Variants in SKAP2 observed in about 807,000 individuals in gnomAD.
SKAP2 encodes src kinase-associated phosphoprotein 2.
Under a neutral mutation model 54.9 loss-of-function variants are expected in SKAP2, and 28 were observed. That is an observed-to-expected ratio of 0.51 (90% CI 0.38 to 0.70). The LOEUF is 0.70. Among genes scored for constraint, SKAP2 ranks in the 30% least tolerant of loss-of-function variants. SKAP2 has a pLI of 0.00. For synonymous variants in SKAP2, 137 were observed against 134.3 expected (o/e 1.02, Z -0.14); for missense variants, 356 against 424.1 (o/e 0.84, Z 1.41).
At chr7:26,811,307 C>T (rs867620082) in intron 4 of SKAP2, among the ~76,000 whole-genome samples, 2 of 152,168 alleles carry the variant, frequency 1.3e-5, no homozygotes, top group Non-Finnish European at 2.9e-5. Flanking sequence ...ATCATGCATG[C>T]CACTGAAAAT....
chr7:26,684,897 C>G, intron 10 of SKAP2, 49 bp from the exon 11 acceptor site: 1 of 1,046,624 alleles, frequency 9.6e-7, no homozygotes, highest in African/African-American at 1.6e-5. Flanking sequence ...ATGTAATAAC[C>G]CCTCATTTCA....
intron 4 of SKAP2, among the ~76,000 whole-genome samples, chr7:26,796,462 C>T (rs1360810179): frequency 1.3e-5 from 2 of 152,166 alleles, no homozygotes; most frequent in African/African-American, 4.8e-5. Flanking sequence ...TACTGAAAAC[C>T]TTGAATAACA....
chr7:26,784,840 A>C (rs1259026011), intron 4 of SKAP2, among the ~76,000 whole-genome samples: 1 of 152,138 alleles, frequency 6.6e-6, no homozygotes, highest in African/African-American at 2.4e-5. Flanking sequence ...GTGTAGGGGG[A>C]AGTATACTGA....
At chr7:26,831,562 A>C (rs1046597325) in intron 4 of SKAP2, among the ~76,000 whole-genome samples, 2 of 152,146 alleles carry the variant, frequency 1.3e-5, no homozygotes, top group African/African-American at 4.8e-5. Flanking sequence ...AACAATAGTA[A>C]CTCACATTTA....
intron 9 of SKAP2, among the ~76,000 whole-genome samples, chr7:26,712,185 A>G (rs1435124168): frequency 1.3e-5 from 2 of 152,176 alleles, no homozygotes; most frequent in Non-Finnish European, 2.9e-5. Context: ...CTTGCATTAT[A>G]CTGGTTGAGC....
chr7:26,662,280 T>C (rs993433085), downstream of SKAP2, among the ~76,000 whole-genome samples: 3 of 152,124 alleles, frequency 2.0e-5, no homozygotes, highest in African/African-American at 7.2e-5. Flanking sequence ...TTTAAAAATA[T>C]TTTCATCTGA....
At chr7:26,813,719 C>T (rs1784204673) in intron 4 of SKAP2, among the ~76,000 whole-genome samples, 1 of 152,220 alleles carries the variant, frequency 6.6e-6, no homozygotes, top group African/African-American at 2.4e-5. Context: ...TTAGCCACTA[C>T]TCAGTGTATT....
chr7:26,663,394 C>T (rs997382744), downstream of SKAP2, among the ~76,000 whole-genome samples: 2 of 152,070 alleles, frequency 1.3e-5, no homozygotes, highest in African/African-American at 4.8e-5. Flanking sequence ...TTAAAAAGGA[C>T]TTGTTCAAAA....
chr7:26,714,552 G>C (rs1787390555), intron 9 of SKAP2, among the ~76,000 whole-genome samples: 1 of 152,120 alleles, frequency 6.6e-6, no homozygotes, highest in Admixed American at 6.5e-5. Flanking sequence ...ACTTGCCGAG[G>C]CCAGATATGA....
intron 11 of SKAP2, among the ~76,000 whole-genome samples, chr7:26,675,805 T>C (rs893020408): frequency 1.3e-5 from 2 of 152,222 alleles, no homozygotes; most frequent in African/African-American, 4.8e-5. Context: ...TTCCCACCTG[T>C]GGCAGGCTGT....
At chr7:26,679,267 G>A (rs2128085712) in intron 11 of SKAP2, among the ~76,000 whole-genome samples, 1 of 152,338 alleles carries the variant, frequency 6.6e-6, no homozygotes, top group South Asian at 2.1e-4. Flanking sequence ...TTTCTGGAAT[G>A]TTTCCTCCAA....
chr7:26,860,523 T>G (rs1785253736), intron 1 of SKAP2, among the ~76,000 whole-genome samples: 1 of 151,986 alleles, frequency 6.6e-6, no homozygotes, highest in African/African-American at 2.4e-5. Flanking sequence ...AAAACCCAGG[T>G]GCTAAGGAGG....
intron 4 of SKAP2, among the ~76,000 whole-genome samples, chr7:26,775,080 T>A (rs74401080): frequency 2.6e-5 from 4 of 152,200 alleles, no homozygotes; most frequent in Non-Finnish European, 5.9e-5. Context: ...TTAAGAGATT[T>A]ACATGCACAC....
At chr7:26,788,449 A>C (rs992526003) in intron 4 of SKAP2, among the ~76,000 whole-genome samples, 3 of 152,176 alleles carry the variant, frequency 2.0e-5, no homozygotes, top group Admixed American at 6.5e-5. Flanking sequence ...CTAGTATATA[A>C]ATCCAAGTAA....
At chr7:26,722,428 G>C (rs1271509839) in intron 9 of SKAP2, among the ~76,000 whole-genome samples, 2 of 111,192 alleles carry the variant, frequency 1.8e-5, no homozygotes, top group East Asian at 2.8e-4. Context: ...GTCTCACTCT[G>C]TTGCCCAGGC....
chr7:26,754,843 A>G (rs1033458979), intron 4 of SKAP2, among the ~76,000 whole-genome samples: 3 of 152,320 alleles, frequency 2.0e-5, no homozygotes, highest in Admixed American at 6.5e-5. Context: ...AAATGGTCTG[A>G]ACTCTGAATC....
intron 4 of SKAP2, among the ~76,000 whole-genome samples, chr7:26,811,442 T>C (rs1784142447): frequency 6.6e-6 from 1 of 152,148 alleles, no homozygotes; most frequent in Admixed American, 6.5e-5. Context: ...CATCTTTCTC[T>C]TTCCCTGTCC....
At chr7:26,837,466 G>C (rs1047815448) in intron 4 of SKAP2, among the ~76,000 whole-genome samples, 3 of 152,110 alleles carry the variant, frequency 2.0e-5, no homozygotes, top group Admixed American at 1.3e-4. Context: ...CAAAGCGGGA[G>C]CAGGCACAAC....
intron 4 of SKAP2, among the ~76,000 whole-genome samples, chr7:26,770,989 T>C (rs775116163): frequency 5.3e-5 from 8 of 152,344 alleles, no homozygotes; most frequent in South Asian, 2.1e-4. Flanking sequence ...AACAACTGTT[T>C]AGATAAGTCT....
Sources: gnomAD v4.1 joint callset for allele counts (sites outside exome capture counted in the v4.1 genomes callset) on GRCh38, gnomAD v4.1.1 for gene constraint, MANE v1.5 for transcripts, NCBI Gene and HGNC (gene_info 2026-07-23, HGNC 2026-07-21) for gene names.